CSMD1: variants seen among roughly 807,000 people sequenced by gnomAD.
CSMD1 encodes CUB and sushi domain-containing protein 1.
CSMD1 carries 213 observed loss-of-function variants against 417.5 expected under a neutral mutation model. That is an observed-to-expected ratio of 0.51 (90% CI 0.46 to 0.57). CSMD1 has a LOEUF of 0.57. Among genes scored for constraint, CSMD1 ranks in the 20% least tolerant of loss-of-function variants. The pLI is 0.00. For synonymous variants in CSMD1, 2,862 were observed against 1,736.8 expected (o/e 1.65, Z -16.11); for missense variants, 6,923 against 4,529.7 (o/e 1.53, Z -15.17).
intron 5 of CSMD1, among the ~76,000 whole-genome samples, chr8:3,765,230 G>T (rs910411345): frequency 6.6e-5 from 10 of 152,120 alleles, no homozygotes; most frequent in African/African-American, 2.4e-4. Flanking sequence ...TCGACTGTCT[G>T]CTGTGCTCCT....
At chr8:3,940,191 A>T (rs1011719944) in intron 5 of CSMD1, among the ~76,000 whole-genome samples, 1 of 152,004 alleles carries the variant, frequency 6.6e-6, no homozygotes. Context: ...TCTCATGCTT[A>T]TTATTTTTGA....
At chr8:2,980,041 T>A (rs551228189) in intron 54 of CSMD1, among the ~76,000 whole-genome samples, 2 of 152,194 alleles carry the variant, frequency 1.3e-5, no homozygotes, top group African/African-American at 2.4e-5. Flanking sequence ...ACATCAAGCA[T>A]AAGAGATGGA....
In CSMD1 at chr8:3,693,314, T is replaced by C. The variant is rs139048186; in HGVS notation, c.1009+15100A>G. ...ATATTCTAGGAGAAAATGAAATATA[T>C]ATATGATAATTTTTTTTTCAATTAT... On this transcript the variant is annotated intron_variant, in intron 7 of 69. Coordinates refer to ENST00000635120, the MANE Select transcript of CSMD1 (RefSeq NM_033225.6). Among the ~76,000 whole-genome samples, 322 of 152,298 alleles carry C rather than the reference T, an allele frequency of 2.1e-3. 2 individuals carry two copies. Among genetic ancestry groups the C allele is most frequent in the African/African-American group, 7.2e-3 (299 of 41,552 alleles).
intron 52 of CSMD1, among the ~76,000 whole-genome samples, chr8:3,008,014 A>T (rs1398159486): frequency 6.6e-6 from 1 of 152,216 alleles, no homozygotes; most frequent in African/African-American, 2.4e-5. Context: ...CTCAAATAGA[A>T]AAAGGGGAGT....
Position 4,643,065 on chromosome 8 carries a change from G to A in CSMD1, c.86-5507C>T, listed in dbSNP as rs965805367. 3.9e-5 allele frequency among the ~76,000 whole-genome samples: 6 copies of A among 152,290 alleles called. No individual in the cohort carries two copies. The East Asian group carries it at 5.8e-4, about 15-fold the overall frequency. Reference sequence around the variant, plus strand: ...CTGGGGCCTGATATCATTTGAAAGCGTATATAGATTTGTGTGTAAATAGAG... The same window carrying A: ...CTGGGGCCTGATATCATTTGAAAGCATATATAGATTTGTGTGTAAATAGAG... On this transcript the variant is annotated intron_variant, in intron 1 of 69. Transcript: ENST00000635120.
chr8:3,409,569 G>A lies in CSMD1; in HGVS notation c.1598C>T (p.Pro533Leu), dbSNP rs915549921. The A allele has an allele frequency of 8.7e-6, 14 of 1,608,146 alleles. No homozygotes were observed. The highest frequency in any genetic ancestry group is 1.2e-5 in the Non-Finnish European group (14 of 1,176,960). ...EKGGCGDPGI[P>L]AYGKRTGSSF... ...GCTGCCCGTCCGCTTCCCATAGGCG[G>A]GGATTCCAGGATCCCCACACCCTCC... The change falls in exon 13 of 70, where the codon CCC (proline) becomes CTC (leucine). Residue 533 changes from proline to leucine, a missense_variant. Physicochemically the swap from Pro to Leu is moderately conservative, Grantham distance 98. Transcript: ENST00000635120.
intron 11 of CSMD1, among the ~76,000 whole-genome samples, chr8:3,473,587 T>C (rs1817233109): frequency 6.6e-6 from 1 of 152,202 alleles, no homozygotes; most frequent in Non-Finnish European, 1.5e-5. Context: ...CAACTGGTTA[T>C]CTGTTTGAAA....
chr8:4,522,735 C>T (rs983169802), intron 2 of CSMD1, among the ~76,000 whole-genome samples: 12 of 152,126 alleles, frequency 7.9e-5, no homozygotes, highest in Non-Finnish European at 2.9e-5. Flanking sequence ...CCTATCCACA[C>T]GTGCCTGGGA....
At chr8:4,071,399 T>TA (rs58743441) in intron 3 of CSMD1, among the ~76,000 whole-genome samples, 40,465 of 151,876 alleles carry the variant, frequency 0.27, 5,541 homozygotes, top group South Asian at 0.4. Context: ...AAACCTACTT[T>TA]AAAAAAAATT....
At chr8:4,192,319 A>G (rs1449417200) in intron 3 of CSMD1, among the ~76,000 whole-genome samples, 1 of 152,230 alleles carries the variant, frequency 6.6e-6, no homozygotes, top group Admixed American at 6.5e-5. Flanking sequence ...ACATTGTCCC[A>G]TCAAGCTTCA....
At chr8:3,095,205 T>C (rs528338037) in intron 47 of CSMD1, among the ~76,000 whole-genome samples, 74 of 152,280 alleles carry the variant, frequency 4.9e-4, no homozygotes, top group Non-Finnish European at 7.9e-4. Context: ...TATACTTTTA[T>C]GTCCTTTGTA....
At chr8:4,007,678 C>CTT (rs113392680) in intron 4 of CSMD1, among the ~76,000 whole-genome samples, 4 of 146,572 alleles carry the variant, frequency 2.7e-5, no homozygotes, top group African/African-American at 9.9e-5. Context: ...CTTTCTTCCT[C>CTT]TTTTTTTTTT....
At chr8:4,355,306 TACAC>T (rs66981171) in intron 3 of CSMD1, among the ~76,000 whole-genome samples, 2 of 139,984 alleles carry the variant, frequency 1.4e-5, no homozygotes, top group African/African-American at 2.5e-5. Flanking sequence ...AACCACTTCA[TACAC>T]ACACACACAC....
At chr8:4,634,965 C>T (rs761388648) in intron 2 of CSMD1, among the ~76,000 whole-genome samples, 1 of 152,114 alleles carries the variant, frequency 6.6e-6, no homozygotes, top group Non-Finnish European at 1.5e-5. Context: ...CTGCACTCCT[C>T]GAACGTCTCC....
At chr8:3,317,004 G>C (rs77407689) in intron 23 of CSMD1, among the ~76,000 whole-genome samples, 198 of 152,256 alleles carry the variant, frequency 1.3e-3, no homozygotes, top group African/African-American at 4.0e-3. Context: ...TGTGTGCGTG[G>C]ATGAAGCATG....
chr8:3,982,734 G>C (rs977852356), intron 5 of CSMD1, among the ~76,000 whole-genome samples: 3 of 152,224 alleles, frequency 2.0e-5, no homozygotes, highest in South Asian at 2.1e-4. Flanking sequence ...GCATCTGTAG[G>C]AGGCTTAACG....
intron 6 of CSMD1, 40 bp downstream of exon 6, chr8:3,753,890 C>T (rs1415140715): frequency 3.7e-6 from 5 of 1,357,138 alleles, no homozygotes; most frequent in Admixed American, 1.8e-5. Context: ...ATATATTACG[C>T]TCTGTTTTTT....
intron 3 of CSMD1, among the ~76,000 whole-genome samples, chr8:4,036,339 G>GAACT (rs10687575): frequency 0.21 from 31,440 of 151,990 alleles, 3,584 homozygotes; most frequent in East Asian, 0.39. Context: ...AATTTAAAGA[G>GAACT]GGACCCCTCC....
chr8:4,938,563 C>T (rs1454132526), intron 1 of CSMD1, among the ~76,000 whole-genome samples: 1 of 152,196 alleles, frequency 6.6e-6, no homozygotes, highest in Non-Finnish European at 1.5e-5. Context: ...TCCCTGCCCT[C>T]ACACAGTTGT....
Sources: gnomAD v4.1 joint callset for allele counts (sites outside exome capture counted in the v4.1 genomes callset) on GRCh38, gnomAD v4.1.1 for gene constraint, MANE v1.5 for transcripts, NCBI Gene and HGNC (gene_info 2026-07-23, HGNC 2026-07-21) for gene names.